Variants in INPP5D observed in about 807,000 individuals in gnomAD.
INPP5D encodes inositol polyphosphate-5-phosphatase D.
In INPP5D, 33 loss-of-function variants were observed where a neutral mutation model predicts 122.9. The ratio of observed to expected loss-of-function variants is 0.27; its 90% CI spans 0.20 to 0.36. INPP5D has a LOEUF of 0.36. INPP5D is among the 10% of genes least tolerant of loss of function. The probability of loss-of-function intolerance (pLI) is 1.00; values close to 1 mark genes in which losing one functional copy is unlikely to be tolerated. For synonymous variants in INPP5D, 584 were observed against 576.2 expected (o/e 1.01, Z -0.19); for missense variants, 1,053 against 1,412.7 (o/e 0.75, Z 4.08).
chr2:233,061,437 G>T (rs1297035268), intron 1 of INPP5D, among the ~76,000 whole-genome samples: 1 of 152,134 alleles, frequency 6.6e-6, no homozygotes. Flanking sequence ...TGCAGCTCTT[G>T]GTCTAATCAT....
rs1253901674 is a variant in INPP5D at position 233,177,706 on chromosome 2, C to T, written c.2071+360C>T. On this transcript the variant is annotated intron_variant, in intron 18 of 26. Coordinates refer to ENST00000445964, the MANE Select transcript of INPP5D (RefSeq NM_001017915.3). This position sits in a 1 kb window ranked among gnomAD's most constrained non-coding sequence, Gnocchi z 4.2. Reference sequence around the variant, plus strand: ...CTCGTGCCACAGCCTCCCCAAGCAGCTGGGATTACAGGCTCCTGCCACCAT... The same window carrying T: ...CTCGTGCCACAGCCTCCCCAAGCAGTTGGGATTACAGGCTCCTGCCACCAT... 6.6e-6 allele frequency among the ~76,000 whole-genome samples: 1 copy of T among 152,148 alleles called. No homozygotes were observed. The highest frequency in any genetic ancestry group is 2.4e-5 in the African/African-American group (1 of 41,424).
rs2106333127 is a variant in INPP5D, at chr2:233,207,254, G to A, written c.*546G>A. The A allele has an allele frequency of 6.5e-6, 1 of 153,236 alleles. No individual in the cohort carries two copies. 9.5% of individuals were successfully genotyped at this position (153,236 alleles called of 1,614,324 possible). On this transcript the variant is annotated 3_prime_UTR_variant, in exon 27 of 27. Coordinates refer to ENST00000445964, the MANE Select transcript of INPP5D (RefSeq NM_001017915.3). The surrounding 1 kb of genome is among the most constrained non-coding windows in gnomAD (Gnocchi z 4.6). ...GCATTAAGAAGCCCAGTGCCCTCCT[G>A]GAGTGAGACAAGGGCTCGGCCTTAA...
intron 17 of INPP5D, 59 bp downstream of exon 17, chr2:233,171,211 T>C: frequency 6.3e-7 from 1 of 1,575,440 alleles, no homozygotes; most frequent in Non-Finnish European, 8.6e-7. Flanking sequence ...TGGTGTCTGT[T>C]CCCAAAAGGT....
Position 233,110,585 on chromosome 2 carries a change from A to G in INPP5D, c.199-11522A>G, listed in dbSNP as rs187793914. Among the ~76,000 whole-genome samples, 50 of 152,302 alleles carry G rather than the reference A, an allele frequency of 3.3e-4. 1 individual carries two copies. In the East Asian group the frequency reaches 9.5e-3, roughly 29 times the overall value. On this transcript the variant is annotated intron_variant, in intron 2 of 26. Coordinates refer to ENST00000445964, the MANE Select transcript of INPP5D (RefSeq NM_001017915.3). ...GTACCAATTACATGAGCTAGGTTAC[A>G]TAGGCTGATTTTCAACAAACTATTA...
At chr2:233,103,466 G>A (rs1282349843) in intron 2 of INPP5D, among the ~76,000 whole-genome samples, 1 of 152,190 alleles carries the variant, frequency 6.6e-6, no homozygotes, top group Non-Finnish European at 1.5e-5. Flanking sequence ...CCTTGGAATG[G>A]AGCTCAAGGC....
At chr2:233,064,766 G>T (rs1010119398) in intron 1 of INPP5D, among the ~76,000 whole-genome samples, 1 of 152,226 alleles carries the variant, frequency 6.6e-6, no homozygotes, top group Admixed American at 6.5e-5. Context: ...TGATGGAGCC[G>T]CAGAGAAGGG....
rs36132583 is a variant in INPP5D, at chr2:233,158,765, GGATTGATT to G, written c.1137+361_1137+368del. Reference sequence around the variant, plus strand: ...CTTGGGAAATCTTTGGGACACTCCTGGATTGATTGATTGATTGATTGACTGACTGACTT... The same window carrying G: ...CTTGGGAAATCTTTGGGACACTCCTGGATTGATTGATTGACTGACTGACTT... On this transcript the variant is annotated intron_variant, in intron 10 of 26. Transcript: ENST00000445964. 3.5e-4 allele frequency among the ~76,000 whole-genome samples: 53 copies of G among 151,154 alleles called. No homozygotes were observed. In the South Asian group the frequency reaches 9.9e-3, roughly 28 times the overall value.
intron 2 of INPP5D, among the ~76,000 whole-genome samples, chr2:233,103,253 C>A (rs1692369020): frequency 6.6e-6 from 1 of 152,206 alleles, no homozygotes. Context: ...AGAATGACAA[C>A]CCATATAGGT....
chr2:233,180,658 C>A (rs1243115246), intron 18 of INPP5D, among the ~76,000 whole-genome samples: 1 of 152,250 alleles, frequency 6.6e-6, no homozygotes, highest in Non-Finnish European at 1.5e-5. Context: ...TCCGCCTCAG[C>A]CTCCCAAGCA....
rs530905383 is a variant in INPP5D at position 233,124,838 on chromosome 2, C to T, written c.350-907C>T. Among the ~76,000 whole-genome samples the T allele has an allele frequency of 1.2e-4, 18 of 152,372 alleles. No individual in the cohort carries two copies. The East Asian group carries it at 2.3e-3, about 20-fold the overall frequency. On this transcript the variant is annotated intron_variant, in intron 3 of 26. Transcript: ENST00000445964. ...TCCGCAAACGAGGTCGCCCAGTTGT[C>T]GGCTCGAACCAGAGCAATGCGACAT...
At chr2:233,203,067 T>C (rs948213990) in intron 25 of INPP5D, among the ~76,000 whole-genome samples, 2 of 152,228 alleles carry the variant, frequency 1.3e-5, no homozygotes, top group African/African-American at 4.8e-5. Context: ...TCGGGCCCCC[T>C]GAGCTCAGAT....
chr2:233,066,659 T>G (rs1475701766), intron 1 of INPP5D, among the ~76,000 whole-genome samples: 1 of 152,200 alleles, frequency 6.6e-6, no homozygotes, highest in Non-Finnish European at 1.5e-5. Context: ...CAGGCTGGAG[T>G]GCAGTGGCAT....
chr2:233,143,091 A>C (rs960490611), intron 6 of INPP5D, among the ~76,000 whole-genome samples: 174 of 152,320 alleles, frequency 1.1e-3, no homozygotes, highest in African/African-American at 3.9e-3. Context: ...CTCTGACTCT[A>C]TTCCCCCATC....
At chr2:233,165,108 T>C (rs943339422) in intron 13 of INPP5D, among the ~76,000 whole-genome samples, 3 of 152,106 alleles carry the variant, frequency 2.0e-5, no homozygotes, top group African/African-American at 7.2e-5. Flanking sequence ...TGTGAGTAGG[T>C]CTGTGTATGT....
At position 233,170,774 on chromosome 2, in the gene INPP5D, C is replaced by T. The variant is rs1255487755; in HGVS notation, c.1900+170C>T. ...ACAAAAAATTAGCCGGGTGTGGTGG[C>T]GGGTGCCTGTAGTCCCAGCTACTTG... is the stretch of plus-strand genomic sequence containing the variant. On this transcript the variant is annotated intron_variant, in intron 16 of 26. Coordinates refer to ENST00000445964, the MANE Select transcript of INPP5D (RefSeq NM_001017915.3). The surrounding 1 kb of genome is among the most constrained non-coding windows in gnomAD (Gnocchi z 4.5). Among the ~76,000 whole-genome samples, 2 of 151,702 alleles carry T rather than the reference C, an allele frequency of 1.3e-5. No individual in the cohort carries two copies. Among genetic ancestry groups the T allele is most frequent in the East Asian group, 2.0e-4 (1 of 5,128 alleles).
At chr2:233,182,346 C>G in intron 18 of INPP5D, 64 bp from the exon 19 acceptor site, 6 of 1,599,630 alleles carry the variant, frequency 3.8e-6, no homozygotes, top group Non-Finnish European at 5.1e-6. Flanking sequence ...TTAGGGTTGC[C>G]ATCCTTGGCC....
In INPP5D at chr2:233,204,333, G is replaced by T; in HGVS notation, c.3183G>T (p.Val1061=). 6.2e-7 allele frequency: 1 copy of T among 1,611,230 alleles called. No homozygotes were observed. The highest frequency in any genetic ancestry group is 2.2e-5 in the East Asian group (1 of 44,836). Residue 1061 remains valine, a synonymous_variant, in exon 26 of 27, where the codon GTG becomes GTT. Transcript: ENST00000445964. The stretch of plus-strand genomic sequence containing the variant: ...CCGGCATCTTGTCGCCCAGCATCGT[G>T]CTCACCAAAGCCCAGGAGGCTGATC... ...PEPGILSPSI[V]LTKAQEADRG...
At chr2:233,202,671 G>A (rs772263093) in intron 25 of INPP5D, among the ~76,000 whole-genome samples, 3 of 152,216 alleles carry the variant, frequency 2.0e-5, no homozygotes, top group African/African-American at 4.8e-5. Context: ...CTTCACGATA[G>A]CTTCCTTTTC....
rs766800367 is a variant in INPP5D, at chr2:233,060,638, G to A, written c.134+26G>A. The A allele has an allele frequency of 3.7e-6, 6 of 1,612,816 alleles. No homozygotes were observed. In the East Asian group the frequency reaches 8.9e-5, roughly 24 times the overall value. ...GTGAGTACAACCTGCTCCCTCCCCG[G>A]GCACAGATATGACAGAGGGGCTTAG... On this transcript the variant is annotated intron_variant, in intron 1 of 26. Transcript: ENST00000445964.
Sources: allele counts gnomAD v4.1 joint callset (sites outside exome capture counted in the v4.1 genomes callset), GRCh38; gene constraint gnomAD v4.1.1; non-coding constraint Gnocchi (gnomAD v3.1); transcripts MANE v1.5; gene names NCBI Gene and HGNC (gene_info 2026-07-23, HGNC 2026-07-21).